The following PTPRQ variants were observed in gnomAD, a reference collection of about 807,000 sequenced individuals.
PTPRQ encodes the protein phosphatidylinositol phosphatase PTPRQ.
A neutral mutation model predicts 246.0 loss-of-function variants in PTPRQ; 199 were observed. The ratio of observed to expected loss-of-function variants is 0.81; its 90% confidence interval spans 0.72 to 0.91. PTPRQ has a LOEUF of 0.91. Ranked by LOEUF, PTPRQ falls within the 40% of genes least tolerant of loss-of-function variation. The probability of loss-of-function intolerance (pLI) is 0.00; values close to 1 mark genes in which losing one functional copy is unlikely to be tolerated. For missense variants in PTPRQ, 2,624 were observed against 2,528.4 expected, an observed-to-expected ratio of 1.04 and a Z score of -0.81; for synonymous variants, 869 against 853.2, an observed-to-expected ratio of 1.02 and a Z score of -0.32.
chr12:80,471,474 A>ATTTTCTTTT (rs1893623187), intron 7 of PTPRQ, among the ~76,000 whole-genome samples: 1 of 73,198 alleles, frequency 1.4e-5, no homozygotes, highest in African/African-American at 5.9e-5. Context: ...ATTATTTAGC[A>ATTTTCTTTT]TTTTTTTTTT....
chr12:80,650,307 T>C (rs1900215528), intron 37 of PTPRQ, among the ~76,000 whole-genome samples: 1 of 137,272 alleles, frequency 7.3e-6, no homozygotes. Flanking sequence ...TACTTAAAAG[T>C]TGGGAATAGT....
chr12:80,515,431 T>A (rs942689219), intron 17 of PTPRQ, among the ~76,000 whole-genome samples: 6 of 151,716 alleles, frequency 4.0e-5, no homozygotes, highest in Non-Finnish European at 8.8e-5. Context: ...TTTCCTTTTT[T>A]TTTTTTTGAG....
chr12:80,539,204 T>C (rs983905431), intron 19 of PTPRQ, among the ~76,000 whole-genome samples: 2 of 152,134 alleles, frequency 1.3e-5, no homozygotes. Context: ...TTTCTCTTAC[T>C]CTACACATCA....
chr12:80,551,118 C>A (rs1896462632), intron 25 of PTPRQ, among the ~76,000 whole-genome samples: 1 of 152,032 alleles, frequency 6.6e-6, no homozygotes, highest in African/African-American at 2.4e-5. Context: ...TTCTCTTTTT[C>A]TTGCACATTC....
At chr12:80,636,248 C>T (rs1899643765) in intron 35 of PTPRQ, among the ~76,000 whole-genome samples, 1 of 152,136 alleles carries the variant, frequency 6.6e-6, no homozygotes, top group Non-Finnish European at 1.5e-5. Flanking sequence ...ATTTAAGTGT[C>T]AGATGATTGT....
intron 34 of PTPRQ, 88 bp from the exon 35 acceptor site, chr12:80,634,857 A>T: frequency 6.7e-7 from 1 of 1,493,544 alleles, no homozygotes; most frequent in Admixed American, 2.3e-5. Context: ...TTATTTGACT[A>T]AATGTCTTTA....
At chr12:80,480,280 A>C (rs931822019) in intron 8 of PTPRQ, among the ~76,000 whole-genome samples, 1 of 152,192 alleles carries the variant, frequency 6.6e-6, no homozygotes, top group Non-Finnish European at 1.5e-5. Context: ...ACTACTGGGT[A>C]CATAATGAAA....
At chr12:80,650,316 G>GT (rs34306935) in intron 37 of PTPRQ, among the ~76,000 whole-genome samples, 30,027 of 148,914 alleles carry the variant, frequency 0.2, 5,911 homozygotes, top group African/African-American at 0.51. Flanking sequence ...GTTGGGAATA[G>GT]TTTTTTTTTT....
At chr12:80,555,404 T>C (rs1310226411) in intron 25 of PTPRQ, among the ~76,000 whole-genome samples, 2 of 152,126 alleles carry the variant, frequency 1.3e-5, no homozygotes, top group African/African-American at 4.8e-5. Flanking sequence ...TAAGAATTTA[T>C]AAAATTCTTA....
At chr12:80,470,336 A>G (rs1893584375) in intron 7 of PTPRQ, among the ~76,000 whole-genome samples, 1 of 151,056 alleles carries the variant, frequency 6.6e-6, no homozygotes, top group Admixed American at 6.6e-5. Context: ...GCTGGTAAAT[A>G]TATAGTTGTG....
rs554329309 is a variant in PTPRQ at position 80,665,947 on chromosome 12, A to G, written c.6193-3060A>G. On this transcript the variant is annotated intron_variant, in intron 39 of 44. Coordinates refer to ENST00000644991, the MANE Select transcript of PTPRQ (RefSeq NM_001145026.2). ...TTATCAAAAAGACAAAAAAATAACAAATGCCAGCAAGAATGCAGAGAAAGT... is the reference window on the plus strand; with the variant it reads ...TTATCAAAAAGACAAAAAAATAACAGATGCCAGCAAGAATGCAGAGAAAGT... 1.5e-3 allele frequency among the ~76,000 whole-genome samples: 231 copies of G among 152,154 alleles called. 1 individual carries two copies. Among genetic ancestry groups the G allele is most frequent in the Non-Finnish European group, 2.9e-3 (194 of 67,954 alleles).
In PTPRQ at chr12:80,481,054, A is replaced by T. The variant is rs374235182; in HGVS notation, c.1187-3379A>T. Reference sequence around the variant, plus strand: ...CCAGCATCATTCTGATACCAAAGCCAGGCAGAGACACAACCAAAAAAGAGA... The same window carrying T: ...CCAGCATCATTCTGATACCAAAGCCTGGCAGAGACACAACCAAAAAAGAGA... On this transcript the variant is annotated intron_variant, in intron 8 of 44. Coordinates refer to ENST00000644991, the MANE Select transcript of PTPRQ (RefSeq NM_001145026.2). Among the ~76,000 whole-genome samples, 1,216 of 152,168 alleles carry T rather than the reference A, an allele frequency of 8.0e-3. 10 individuals are homozygous for T. Among genetic ancestry groups the T allele is most frequent in the Middle Eastern group, 0.027 (8 of 294 alleles).
intron 8 of PTPRQ, among the ~76,000 whole-genome samples, chr12:80,476,902 T>C (rs1893828217): frequency 1.3e-5 from 2 of 152,192 alleles, no homozygotes; most frequent in African/African-American, 4.8e-5. Context: ...TGTATAGTAA[T>C]AGGAAAGCTA....
chr12:80,556,749 G>C (rs1896657624), intron 25 of PTPRQ, among the ~76,000 whole-genome samples: 1 of 152,144 alleles, frequency 6.6e-6, no homozygotes, highest in Non-Finnish European at 1.5e-5. Flanking sequence ...CACTATTCAT[G>C]AAAATAGTGA....
intron 16 of PTPRQ, among the ~76,000 whole-genome samples, chr12:80,508,652 C>CAAA (rs1895036598): frequency 6.6e-6 from 1 of 152,012 alleles, no homozygotes; most frequent in Non-Finnish European, 1.5e-5. Context: ...TTTCTAGTTT[C>CAAA]AATTTTGTTA....
chr12:80,460,829 T>C lies in PTPRQ; in HGVS notation c.837T>C (p.Tyr279=), dbSNP rs183258549. The part of the protein sequence containing the change: ...VVTHLRPYTT[Y]LFEVSAATTE... Reference sequence around the variant, plus strand: ...CACACTTGAGACCTTATACAACATATCTTTTTGAAGTTTCAGCTGCTACAA... The same window carrying C: ...CACACTTGAGACCTTATACAACATACCTTTTTGAAGTTTCAGCTGCTACAA... Residue 279 remains tyrosine (Y), a synonymous_variant, in exon 6 of 45, where the codon TAT becomes TAC. Coordinates refer to ENST00000644991, the MANE Select transcript of PTPRQ (RefSeq NM_001145026.2). 44 of 400,566 alleles carry C rather than the reference T, an allele frequency of 1.1e-4. No individual in the cohort carries two copies. The highest frequency in any genetic ancestry group is 8.6e-4 in the African/African-American group (42 of 48,672). 24.8% of individuals were successfully genotyped at this position (400,566 alleles called of 1,614,324 possible). A position where few individuals can be genotyped will look rare whatever the true frequency, so the allele number is the denominator to read the frequency against.
chr12:80,552,741 T>C (rs1166253606), intron 25 of PTPRQ, among the ~76,000 whole-genome samples: 3 of 142,298 alleles, frequency 2.1e-5, no homozygotes, highest in African/African-American at 7.8e-5. Context: ...AGGCAACATA[T>C]GTAGAGATTG....
chr12:80,485,373 A>G (rs1894240211), intron 9 of PTPRQ, among the ~76,000 whole-genome samples: 1 of 152,168 alleles, frequency 6.6e-6, no homozygotes, highest in Admixed American at 6.6e-5. Flanking sequence ...CCTTAGGACC[A>G]GTGCAGCAAT....
chr12:80,592,853 T>C (rs1897845981), intron 26 of PTPRQ, among the ~76,000 whole-genome samples: 1 of 151,584 alleles, frequency 6.6e-6, no homozygotes, highest in Admixed American at 6.6e-5. Flanking sequence ...CTTCTAAAAA[T>C]ACAAAAAATT....
Sources: allele counts gnomAD v4.1 joint callset (sites outside exome capture counted in the v4.1 genomes callset), GRCh38; gene constraint gnomAD v4.1.1; transcripts MANE v1.5; gene names NCBI Gene and HGNC (gene_info 2026-07-23, HGNC 2026-07-21).